The following POMP variants were observed in gnomAD, a reference collection of about 807,000 sequenced individuals.
The protein encoded by POMP is 2510048O06Rik.
A neutral mutation model predicts 20.6 loss-of-function variants in POMP; 12 were observed. The observed-to-expected ratio is 0.58, with a 90% confidence interval of 0.37 to 0.94. The LOEUF (loss-of-function observed/expected upper bound fraction) is 0.94. Among genes scored for constraint, POMP ranks in the 40% least tolerant of loss-of-function variants. The pLI is 0.01. For missense variants in POMP, 136 were observed against 161.1 expected, an observed-to-expected ratio of 0.84 and a Z score of 0.84; for synonymous variants, 53 against 55.0, an observed-to-expected ratio of 0.96 and a Z score of 0.16.
intron 3 of POMP, among the ~76,000 whole-genome samples, chr13:28,666,574 C>T (rs139860438): frequency 2.1e-4 from 32 of 152,348 alleles, no homozygotes; most frequent in African/African-American, 6.3e-4. Context: ...CTTTATGTGA[C>T]TCTTACTGTC....
At chr13:28,665,472 G>GT (rs1435088814) in intron 3 of POMP, among the ~76,000 whole-genome samples, 3 of 152,194 alleles carry the variant, frequency 2.0e-5, no homozygotes, top group African/African-American at 7.2e-5. Context: ...AGGTGCAGAA[G>GT]TTGACAGCCC....
At position 28,676,162 on chromosome 13, in the gene POMP, G is replaced by A. The variant is rs565548155; in HGVS notation, c.359-1873G>A. On this transcript the variant is annotated intron_variant, in intron 5 of 5. Coordinates refer to ENST00000380842, the MANE Select transcript of POMP (RefSeq NM_015932.6). ...TGGGACTACAGGCGCCCACCACCAC[G>A]CCTGGCTAATTTTTTGTATTTTTAC... Among the ~76,000 whole-genome samples, 19 of 152,156 alleles carry A rather than the reference G, an allele frequency of 1.2e-4. No individual in the cohort carries two copies. The South Asian group carries it at 3.3e-3, about 27-fold the overall frequency.
intron 1 of POMP, among the ~76,000 whole-genome samples, chr13:28,661,750 A>G (rs963376750): frequency 1.3e-5 from 2 of 152,198 alleles, no homozygotes; most frequent in African/African-American, 4.8e-5. Context: ...AGGTAGCGCT[A>G]TCTTCATATA....
intron 3 of POMP, among the ~76,000 whole-genome samples, chr13:28,667,219 G>A (rs1754950): frequency 0.044 from 6,760 of 152,150 alleles, 505 homozygotes; most frequent in African/African-American, 0.15. Flanking sequence ...CATAAATTGA[G>A]TTATTATACA....
intron 3 of POMP, among the ~76,000 whole-genome samples, chr13:28,667,586 C>T (rs553272404): frequency 1.6e-4 from 25 of 152,282 alleles, no homozygotes; most frequent in African/African-American, 6.0e-4. Flanking sequence ...ACTTCATAGT[C>T]ATATCCCAAG....
intron 2 of POMP, 123 bp from the exon 3 acceptor site, chr13:28,664,386 C>T: frequency 3.1e-6 from 2 of 639,564 alleles, no homozygotes; most frequent in South Asian, 1.9e-5. Context: ...AGTCAAGATA[C>T]AGAACAGTTT....
chr13:28,675,836 A>G (rs1345179284), intron 5 of POMP, among the ~76,000 whole-genome samples: 1 of 152,146 alleles, frequency 6.6e-6, no homozygotes, highest in East Asian at 1.9e-4. Flanking sequence ...CCAGTGAATT[A>G]TATGGCGAGA....
At chr13:28,662,211 C>T (rs1771204) in intron 1 of POMP, among the ~76,000 whole-genome samples, 199 bp from the exon 2 acceptor site, 6,760 of 152,180 alleles carry the variant, frequency 0.044, 503 homozygotes, top group African/African-American at 0.15. Context: ...CTTCCCACAT[C>T]TAAATTTGGT....
At chr13:28,674,328 C>T (rs891946511) in intron 5 of POMP, among the ~76,000 whole-genome samples, 4 of 152,210 alleles carry the variant, frequency 2.6e-5, no homozygotes, top group African/African-American at 9.7e-5. Context: ...AAGCCTTGTA[C>T]ATTGAGTGTG....
At chr13:28,661,792 T>C (rs1424526275) in intron 1 of POMP, among the ~76,000 whole-genome samples, 5 of 152,206 alleles carry the variant, frequency 3.3e-5, no homozygotes, top group Non-Finnish European at 7.3e-5. Context: ...TTCCCTTTTT[T>C]TCCCAGCTTC....
chr13:28,669,282 T>C (rs1884501262), intron 4 of POMP, among the ~76,000 whole-genome samples: 1 of 152,136 alleles, frequency 6.6e-6, no homozygotes, highest in Admixed American at 6.6e-5. Flanking sequence ...TCCTGAACAA[T>C]GTGGACATTT....
In POMP at chr13:28,663,943, A is replaced by G. The variant is rs372500813; in HGVS notation, c.102-566A>G. Among the ~76,000 whole-genome samples, 21 of 152,360 alleles carry G rather than the reference A, an allele frequency of 1.4e-4. No homozygotes were observed. In the East Asian group the frequency reaches 2.1e-3, roughly 15 times the overall value. On this transcript the variant is annotated intron_variant, in intron 2 of 5. Transcript: ENST00000380842. Reference sequence around the variant, plus strand: ...GGTTTCTAAGGTTTTTATTAGCTTTAAAATCCTAGTTTGGATAATAAGGTA... The same window carrying G: ...GGTTTCTAAGGTTTTTATTAGCTTTGAAATCCTAGTTTGGATAATAAGGTA...
In POMP at chr13:28,668,588, T is replaced by C. The variant is rs1308622430; in HGVS notation, c.264+14T>C. The C allele has an allele frequency of 1.9e-6, 3 of 1,546,936 alleles. No homozygotes were observed. The South Asian group carries it at 3.3e-5, about 17-fold the overall frequency. On this transcript the variant is annotated intron_variant, in intron 4 of 5. Transcript: ENST00000380842. Reference sequence around the variant, plus strand: ...GCAGTGCAGCAGGTGAGTTGATGGATCTCTGTTGCATATGTGTCGATATCA... The same window carrying C: ...GCAGTGCAGCAGGTGAGTTGATGGACCTCTGTTGCATATGTGTCGATATCA...
intron 2 of POMP, among the ~76,000 whole-genome samples, chr13:28,664,105 A>C (rs1017793398): frequency 5.9e-5 from 9 of 152,154 alleles, no homozygotes; most frequent in African/African-American, 2.2e-4. Flanking sequence ...GATATATTAA[A>C]TATTGAAAGT....
At chr13:28,662,962 T>G (rs898038601) in intron 2 of POMP, among the ~76,000 whole-genome samples, 4 of 152,208 alleles carry the variant, frequency 2.6e-5, no homozygotes, top group East Asian at 1.9e-4. Context: ...AATGTCTCAG[T>G]GTCCTTATGG....
intron 1 of POMP, among the ~76,000 whole-genome samples, chr13:28,659,530 G>C (rs552746964): frequency 1.3e-5 from 2 of 152,262 alleles, no homozygotes; most frequent in East Asian, 1.9e-4. Context: ...CGTTCTGTGG[G>C]GTGGCGCTGG....
intron 1 of POMP, among the ~76,000 whole-genome samples, chr13:28,661,357 T>C (rs1185885179): frequency 3.3e-5 from 5 of 152,100 alleles, no homozygotes. Flanking sequence ...TCCCAGCTAC[T>C]TGAGAGGCTG....
chr13:28,659,222 G>T, intron 1 of POMP, 35 bp downstream of exon 1: 3 of 1,579,058 alleles, frequency 1.9e-6, no homozygotes, highest in East Asian at 2.4e-5. Context: ...AGTTCCACGC[G>T]GGCTCGGGAC....
At chr13:28,660,013 T>C (rs1369879863) in intron 1 of POMP, 2 of 152,238 alleles carry the variant, frequency 1.3e-5, no homozygotes, top group African/African-American at 2.4e-5. Flanking sequence ...TCTCGGCTCC[T>C]TCCTTTATTA....
Sources: gnomAD v4.1 joint callset for allele counts (sites outside exome capture counted in the v4.1 genomes callset) on GRCh38, gnomAD v4.1.1 for gene constraint, MANE v1.5 for transcripts, NCBI Gene and HGNC (gene_info 2026-07-23, HGNC 2026-07-21) for gene names.